The following MYO5A variants were observed in gnomAD, a reference collection of about 807,000 sequenced individuals.
MYO5A encodes the protein myosin VA.
MYO5A carries 98 observed loss-of-function variants against 249.7 expected under a neutral mutation model. The observed-to-expected ratio is 0.39, with a 90% confidence interval of 0.33 to 0.46. MYO5A has a LOEUF of 0.46. Ranked by LOEUF, MYO5A falls within the 20% of genes least tolerant of loss-of-function variation. The probability of loss-of-function intolerance (pLI) is 0.98; values close to 1 mark genes in which losing one functional copy is unlikely to be tolerated. For synonymous variants in MYO5A, 778 were observed against 810.6 expected (o/e 0.96, Z 0.68); for missense variants, 1,696 against 2,308.8 (o/e 0.73, Z 5.44).
chr15:52,356,045 T>C (rs556967631), intron 25 of MYO5A, among the ~76,000 whole-genome samples: 3 of 152,204 alleles, frequency 2.0e-5, no homozygotes, highest in Non-Finnish European at 4.4e-5. Flanking sequence ...ATAATTGTTT[T>C]AACATGTTTA....
At chr15:52,369,314 T>A (rs1399202958) in intron 22 of MYO5A, among the ~76,000 whole-genome samples, 1 of 152,192 alleles carries the variant, frequency 6.6e-6, no homozygotes, top group Non-Finnish European at 1.5e-5. Flanking sequence ...CACAGGCAAC[T>A]CTGTTTTCAT....
At chr15:52,392,164 G>C in intron 11 of MYO5A, 94 bp from the exon 12 acceptor site, 1 of 1,272,902 alleles carries the variant, frequency 7.9e-7, no homozygotes, top group South Asian at 1.3e-5. Flanking sequence ...ATAATCTGTG[G>C]CTTTCAACAA....
chr15:52,349,038 A>G (rs1004369419), intron 28 of MYO5A, among the ~76,000 whole-genome samples: 1 of 152,180 alleles, frequency 6.6e-6, no homozygotes, highest in Non-Finnish European at 1.5e-5. Context: ...TATGTTGACA[A>G]CTTCTATTTC....
At chr15:52,373,061 T>A (rs767396678) in intron 20 of MYO5A, among the ~76,000 whole-genome samples, 1 of 152,044 alleles carries the variant, frequency 6.6e-6, no homozygotes, top group African/African-American at 2.4e-5. Flanking sequence ...GTAGCAAGGA[T>A]CCACTTTTGG....
intron 16 of MYO5A, among the ~76,000 whole-genome samples, chr15:52,381,088 A>G (rs1044522444): frequency 1.1e-4 from 16 of 152,348 alleles, no homozygotes; most frequent in Middle Eastern, 3.4e-3. Context: ...AAGAGGAAGT[A>G]GAAAGGTTTC....
chr15:52,401,207 A>T (rs1215102707), intron 9 of MYO5A, among the ~76,000 whole-genome samples: 2 of 151,470 alleles, frequency 1.3e-5, no homozygotes, highest in African/African-American at 4.9e-5. Context: ...TGTAGCTGGG[A>T]TTATAGGCAT....
intron 4 of MYO5A, among the ~76,000 whole-genome samples, chr15:52,423,413 G>A (rs368837423): frequency 6.6e-6 from 1 of 152,078 alleles, no homozygotes; most frequent in African/African-American, 2.4e-5. Flanking sequence ...TTAGCTGGGC[G>A]TGGTGGCAGG....
intron 1 of MYO5A, among the ~76,000 whole-genome samples, chr15:52,506,805 AG>A (rs1410417424): frequency 6.6e-6 from 1 of 152,252 alleles, no homozygotes; most frequent in Non-Finnish European, 1.5e-5. Context: ...ACTGCACTCC[AG>A]CCTGGGCTAT....
intron 38 of MYO5A, among the ~76,000 whole-genome samples, chr15:52,320,080 G>C (rs2038227972): frequency 6.6e-6 from 1 of 152,140 alleles, no homozygotes; most frequent in Non-Finnish European, 1.5e-5. Flanking sequence ...GAGTGGTATG[G>C]GTCTGGAGAG....
In MYO5A at chr15:52,433,296, A is replaced by G. The variant is rs2075581886; in HGVS notation, c.28-11T>C. ...CCAAACCCTGGCAAACTAGAAGACA[A>G]AAAGAAAAAAATTTAAACTAGCAAA... On this transcript the variant is annotated splice_polypyrimidine_tract_variant and intron_variant, in intron 1 of 41. Coordinates refer to ENST00000399233, the MANE Select transcript of MYO5A (RefSeq NM_001382347.1). 2 of 1,556,474 alleles carry G rather than the reference A, an allele frequency of 1.3e-6. No individual in the cohort carries two copies. Among genetic ancestry groups the G allele is most frequent in the Admixed American group, 1.7e-5 (1 of 59,950 alleles).
At chr15:52,438,481 G>A (rs1453744591) in intron 1 of MYO5A, among the ~76,000 whole-genome samples, 1 of 152,164 alleles carries the variant, frequency 6.6e-6, no homozygotes, top group Non-Finnish European at 1.5e-5. Context: ...CAAGGCAAGG[G>A]AAAGCCCCTG....
Position 52,353,739 on chromosome 15 carries a change from AAGAGAGTTT to A in MYO5A, c.3568-90_3568-82del. On this transcript the variant is annotated intron_variant, in intron 26 of 41. Coordinates refer to ENST00000399233, the MANE Select transcript of MYO5A (RefSeq NM_001382347.1). ...TTTACTTGCTCTACCGAAAACAGTGAAGAGAGTTTAGCCCTCACTACTTTAACCAAGTGG... is the reference window on the plus strand; with the variant it reads ...TTTACTTGCTCTACCGAAAACAGTGAAGCCCTCACTACTTTAACCAAGTGG... The A allele has an allele frequency of 1.9e-6, 3 of 1,589,670 alleles. No individual in the cohort carries two copies. The South Asian group carries it at 3.3e-5, about 18-fold the overall frequency.
Position 52,319,213 on chromosome 15 carries a change from T to C in MYO5A, c.5081A>G (p.Asn1694Ser), listed in dbSNP as rs2038181314. Residue 1694 changes from asparagine (N) to serine (S), a missense_variant, in exon 39 of 42, where the codon AAC becomes AGC. Asn to Ser is a conservative substitution (Grantham distance 46). This residue lies in a region of MYO5A where 625 missense variants were observed against 908.1 expected (regional missense o/e 0.69). Coordinates refer to ENST00000399233, the MANE Select transcript of MYO5A (RefSeq NM_001382347.1). ...YTLDSILRQL[N>S]SFHSVMCQHG... Reference sequence around the variant, plus strand: ...CTGACACATGACCGAGTGGAAGGAGTTGAGCTGCCGGAGGATGGAGTCCAG... The same window carrying C: ...CTGACACATGACCGAGTGGAAGGAGCTGAGCTGCCGGAGGATGGAGTCCAG... The C allele has an allele frequency of 1.2e-6, 2 of 1,613,642 alleles. No homozygotes were observed. Among genetic ancestry groups the C allele is most frequent in the Admixed American group, 1.7e-5 (1 of 59,968 alleles).
At chr15:52,461,607 T>C (rs965536439) in intron 1 of MYO5A, among the ~76,000 whole-genome samples, 1 of 152,200 alleles carries the variant, frequency 6.6e-6, no homozygotes, top group African/African-American at 2.4e-5. Context: ...ATTTAAATCT[T>C]ATATGCTATC....
At chr15:52,455,189 A>G (rs1567141961) in intron 1 of MYO5A, among the ~76,000 whole-genome samples, 1 of 152,082 alleles carries the variant, frequency 6.6e-6, no homozygotes, top group Non-Finnish European at 1.5e-5. Flanking sequence ...AAAGTACTAT[A>G]TGCCAACAAA....
At chr15:52,426,018 T>C (rs983852141) in intron 3 of MYO5A, 44 bp from the exon 4 acceptor site, 6 of 1,553,260 alleles carry the variant, frequency 3.9e-6, no homozygotes, top group African/African-American at 2.7e-5. Flanking sequence ...AAGTCAATGA[T>C]ACCCTAATGG....
chr15:52,328,251 A>G (rs951097243), intron 35 of MYO5A, among the ~76,000 whole-genome samples: 4 of 152,154 alleles, frequency 2.6e-5, no homozygotes, highest in Non-Finnish European at 4.4e-5. Flanking sequence ...CAGTCTCACT[A>G]TCAACTACCT....
chr15:52,385,619 GA>G (rs11287342), intron 14 of MYO5A, among the ~76,000 whole-genome samples: 138,127 of 151,704 alleles, frequency 0.91, 64,222 homozygotes, highest in East Asian at 1. Flanking sequence ...GAGGCTGCAG[GA>G]AAAAAAAAGA....
chr15:52,337,757 A>G, intron 33 of MYO5A, 53 bp downstream of exon 33: 1 of 1,324,812 alleles, frequency 7.5e-7, no homozygotes, highest in East Asian at 2.5e-5. Flanking sequence ...TCAGTTACAG[A>G]GGGCTATAAG....
Sources: gnomAD v4.1 joint callset for allele counts (sites outside exome capture counted in the v4.1 genomes callset) on GRCh38, gnomAD v4.1.1 for gene constraint, gnomAD v4.1.1 regional missense constraint, MANE v1.5 for transcripts, NCBI Gene and HGNC (gene_info 2026-07-23, HGNC 2026-07-21) for gene names.